Variants in GABRG3 observed in about 807,000 individuals in gnomAD.
The protein encoded by GABRG3 is gamma-aminobutyric acid receptor subunit gamma-3.
In GABRG3, 25 loss-of-function variants were observed where a neutral mutation model predicts 48.8. That is an observed-to-expected ratio of 0.51 (90% CI 0.37 to 0.72). The LOEUF (loss-of-function observed/expected upper bound fraction) is 0.72, where lower values mean the gene tolerates loss of function less well. GABRG3 is among the 30% of genes least tolerant of loss of function. GABRG3 has a pLI of 0.00. For missense variants in GABRG3, 394 were observed against 577.9 expected (o/e 0.68, Z 3.26); for synonymous variants, 227 against 217.6 (o/e 1.04, Z -0.38).
intron 3 of GABRG3, among the ~76,000 whole-genome samples, chr15:27,079,671 G>A (rs941613843): frequency 6.6e-6 from 1 of 152,046 alleles, no homozygotes; most frequent in African/African-American, 2.4e-5. Flanking sequence ...CCAGCCTCGG[G>A]CCTTCTATTC....
intron 5 of GABRG3, among the ~76,000 whole-genome samples, chr15:27,404,252 G>T (rs1887567863): frequency 6.6e-6 from 1 of 152,154 alleles, no homozygotes; most frequent in Non-Finnish European, 1.5e-5. Context: ...CCTACCCCAG[G>T]AGTCTGCATA....
chr15:27,503,148 G>A (rs1197534144), intron 6 of GABRG3, among the ~76,000 whole-genome samples: 1 of 152,166 alleles, frequency 6.6e-6, no homozygotes, highest in African/African-American at 2.4e-5. Flanking sequence ...CATCCTGAAG[G>A]TGCCTAGAGG....
At chr15:27,435,353 A>G (rs1236692943) in intron 5 of GABRG3, among the ~76,000 whole-genome samples, 1 of 152,038 alleles carries the variant, frequency 6.6e-6, no homozygotes, top group Non-Finnish European at 1.5e-5. Flanking sequence ...TTTGGGCCGT[A>G]TGGTCTCTCT....
chr15:27,527,254 T>C (rs533833071), intron 7 of GABRG3, among the ~76,000 whole-genome samples, 179 bp from the exon 8 acceptor site: 4 of 152,338 alleles, frequency 2.6e-5, no homozygotes, highest in African/African-American at 9.6e-5. Context: ...AGAAATTTCA[T>C]TGAAACATTG....
At chr15:27,375,240 T>C (rs1416621132) in intron 5 of GABRG3, among the ~76,000 whole-genome samples, 1 of 152,128 alleles carries the variant, frequency 6.6e-6, no homozygotes, top group East Asian at 1.9e-4. Context: ...CAAGAAATGA[T>C]TGATTGTTTT....
chr15:27,103,761 C>T (rs557746398), intron 3 of GABRG3, among the ~76,000 whole-genome samples: 11 of 152,222 alleles, frequency 7.2e-5, no homozygotes, highest in African/African-American at 2.6e-4. Flanking sequence ...TCAAGGTGAC[C>T]GCTCAAGGTG....
intron 3 of GABRG3, among the ~76,000 whole-genome samples, chr15:27,276,268 C>T (rs895490576): frequency 1.3e-5 from 2 of 152,170 alleles, no homozygotes; most frequent in African/African-American, 2.4e-5. Context: ...ACATATTTGG[C>T]TTTTTCAGGT....
At chr15:27,405,384 T>C (rs994997923) in intron 5 of GABRG3, among the ~76,000 whole-genome samples, 1 of 152,186 alleles carries the variant, frequency 6.6e-6, no homozygotes, top group East Asian at 1.9e-4. Context: ...TGAGATGACA[T>C]GTCATGCATG....
At chr15:27,330,928 C>T (rs1487877733) in intron 5 of GABRG3, among the ~76,000 whole-genome samples, 3 of 152,126 alleles carry the variant, frequency 2.0e-5, no homozygotes, top group African/African-American at 4.8e-5. Flanking sequence ...CAGAAAGTGG[C>T]ACCTTCAATG....
At chr15:27,356,349 C>A (rs914986467) in intron 5 of GABRG3, among the ~76,000 whole-genome samples, 1 of 152,114 alleles carries the variant, frequency 6.6e-6, no homozygotes, top group Non-Finnish European at 1.5e-5. Context: ...ATCAGTGATT[C>A]CAGGGATAAG....
intron 3 of GABRG3, among the ~76,000 whole-genome samples, chr15:27,043,509 T>TA (rs1393791672): frequency 6.6e-6 from 1 of 152,154 alleles, no homozygotes; most frequent in Non-Finnish European, 1.5e-5. Context: ...GGAAGTCCCC[T>TA]CTGTTTTAAC....
intron 5 of GABRG3, among the ~76,000 whole-genome samples, chr15:27,387,889 AG>A (rs1895980941): frequency 1.8e-5 from 1 of 55,452 alleles, no homozygotes; most frequent in Non-Finnish European, 3.4e-5. Context: ...GAGGGGAAGG[AG>A]GGAAGGAAGG....
chr15:27,508,981 A>T (rs1890832015), intron 6 of GABRG3, among the ~76,000 whole-genome samples: 1 of 151,680 alleles, frequency 6.6e-6, no homozygotes, highest in African/African-American at 2.4e-5. Context: ...GGCCTCCTAA[A>T]GTGCTGGGAT....
chr15:27,090,129 C>T (rs1292580392), intron 3 of GABRG3, among the ~76,000 whole-genome samples: 1 of 152,144 alleles, frequency 6.6e-6, no homozygotes, highest in African/African-American at 2.4e-5. Context: ...TCAGTAGAAA[C>T]CATACTTTTG....
At chr15:27,376,814 C>T (rs1895612693) in intron 5 of GABRG3, among the ~76,000 whole-genome samples, 1 of 152,214 alleles carries the variant, frequency 6.6e-6, no homozygotes, top group South Asian at 2.1e-4. Flanking sequence ...GAGACATTTT[C>T]CCCATTGTCT....
At chr15:27,288,031 C>T (rs376320121) in intron 3 of GABRG3, among the ~76,000 whole-genome samples, 3 of 152,246 alleles carry the variant, frequency 2.0e-5, no homozygotes, top group African/African-American at 7.2e-5. Context: ...GCCACCGTGC[C>T]TGGCCAATTT....
Position 27,500,502 on chromosome 15 carries a change from A to G in GABRG3, c.713-19470A>G, listed in dbSNP as rs117679176. Among the ~76,000 whole-genome samples the G allele has an allele frequency of 3.0e-4, 45 of 152,316 alleles. No individual in the cohort carries two copies. The East Asian group carries it at 7.3e-3, about 25-fold the overall frequency. ...ACCTTCGAAAGGTACAGAGTGGTGC[A>G]AGAGAGAGGTGAGGAATGGATCTGT... On this transcript the variant is annotated intron_variant, in intron 6 of 9. Coordinates refer to ENST00000615808, the MANE Select transcript of GABRG3 (RefSeq NM_033223.5).
chr15:27,291,124 A>T (rs375351766), intron 3 of GABRG3, among the ~76,000 whole-genome samples: 1 of 152,232 alleles, frequency 6.6e-6, no homozygotes, highest in Admixed American at 6.5e-5. Context: ...AGAAACGATC[A>T]TATTCACAGA....
chr15:27,072,646 T>C (rs1421689467), intron 3 of GABRG3, among the ~76,000 whole-genome samples: 1 of 152,212 alleles, frequency 6.6e-6, no homozygotes, highest in African/African-American at 2.4e-5. Flanking sequence ...GTCTCCAAGC[T>C]GGCCTGAGGG....
Sources: gnomAD v4.1 joint callset for allele counts (sites outside exome capture counted in the v4.1 genomes callset) on GRCh38, gnomAD v4.1.1 for gene constraint, MANE v1.5 for transcripts, NCBI Gene and HGNC (gene_info 2026-07-23, HGNC 2026-07-21) for gene names.